USP34: variants seen among roughly 807,000 people sequenced by gnomAD.
The protein encoded by USP34 is ubiquitin carboxyl-terminal hydrolase 34.
A neutral mutation model predicts 460.3 loss-of-function variants in USP34; 70 were observed. The ratio of observed to expected loss-of-function variants is 0.15; its 90% CI spans 0.13 to 0.19. The LOEUF is 0.19. Ranked by LOEUF, USP34 falls within the 10% of genes least tolerant of loss-of-function variation. The pLI, the probability that USP34 is intolerant of heterozygous loss-of-function variation, is 1.00. For missense variants in USP34, 3,985 were observed against 4,236.2 expected (o/e 0.94, Z 1.65); for synonymous variants, 1,647 against 1,405.3 (o/e 1.17, Z -3.85).
chr2:61,403,088 ATAAGGAGG>A (rs1209281858), intron 3 of USP34, among the ~76,000 whole-genome samples: 1 of 152,206 alleles, frequency 6.6e-6, no homozygotes, highest in African/African-American at 2.4e-5. Flanking sequence ...AGAATTTGGT[ATAAGGAGG>A]TAACTCCTTT....
At chr2:61,430,246 A>T (rs1694630709) in intron 1 of USP34, among the ~76,000 whole-genome samples, 1 of 139,700 alleles carries the variant, frequency 7.2e-6, no homozygotes, top group South Asian at 2.3e-4. Flanking sequence ...GAAAAAAAAA[A>T]TACAAAAATT....
rs1259851996 is a variant in USP34, at chr2:61,214,531, T to G, written c.8211A>C (p.Arg2737Ser). The change falls in exon 68 of 80, where the codon AGA (arginine) becomes AGC (serine). Residue 2737 changes from arginine (R) to serine (S), a missense_variant. Arg to Ser is a moderately radical substitution (Grantham distance 110). Coordinates refer to ENST00000398571, the MANE Select transcript of USP34 (RefSeq NM_014709.4). The part of the protein sequence containing the change: ...VYNVLLGLLS[R>S]AKLYVDAAVH... ...CAGCAGCATCAACATAAAGTTTGGC[T>G]CTTGAGAGCAAACCAAGGAGCACGT... The G allele has an allele frequency of 6.2e-7, 1 of 1,613,468 alleles. No homozygotes were observed. The highest frequency in any genetic ancestry group is 8.5e-7 in the Non-Finnish European group (1 of 1,179,840).
At position 61,227,227 on chromosome 2, in the gene USP34, G is replaced by C. The variant is rs1386030163; in HGVS notation, c.7444-9C>G. The C allele has an allele frequency of 1.1e-5, 17 of 1,601,768 alleles. No homozygotes were observed. Among genetic ancestry groups the C allele is most frequent in the Non-Finnish European group, 1.4e-5 (17 of 1,173,786 alleles). ...AACACTTCAACTTGAGGCTAAGTTG[G>C]AATAAAATTCAATTTTAATACGGTA... On this transcript the variant is annotated splice_polypyrimidine_tract_variant and intron_variant, in intron 61 of 79. Coordinates refer to ENST00000398571, the MANE Select transcript of USP34 (RefSeq NM_014709.4).
intron 8 of USP34, among the ~76,000 whole-genome samples, chr2:61,375,013 C>T (rs1035336942): frequency 6.6e-6 from 1 of 152,266 alleles, no homozygotes; most frequent in African/African-American, 2.4e-5. Flanking sequence ...GCAGAATGTA[C>T]AGTCTTCTTA....
At chr2:61,392,239 G>C (rs1374385848) in intron 5 of USP34, among the ~76,000 whole-genome samples, 1 of 152,136 alleles carries the variant, frequency 6.6e-6, no homozygotes, top group Non-Finnish European at 1.5e-5. Context: ...GGCTGACATG[G>C]GAGGGAGGTT....
In USP34 at chr2:61,190,359, A is replaced by T; in HGVS notation, c.9785T>A (p.Ile3262Asn). 3.1e-6 allele frequency: 5 copies of T among 1,613,640 alleles called. No homozygotes were observed. Among genetic ancestry groups the T allele is most frequent in the Non-Finnish European group, 4.2e-6 (5 of 1,179,872 alleles). Reference sequence around the variant, plus strand: ...CTGATACTGGCTTATCAAGTTTGTAATAAGAGTGCTGATCAAATTGGCACA... The same window carrying T: ...CTGATACTGGCTTATCAAGTTTGTATTAAGAGTGCTGATCAAATTGGCACA... ...ANCANLISTL[I>N]TNLISQYQNL... is the part of the protein sequence containing the mutation. Residue 3262 changes from isoleucine (I) to asparagine (N), a missense_variant, in exon 78 of 80, where the codon ATT becomes AAT. Ile to Asn is a moderately radical substitution (Grantham distance 149). This residue lies in a region of USP34 where 506 missense variants were observed against 439.0 expected (regional missense o/e 1.15). Transcript: ENST00000398571.
intron 1 of USP34, among the ~76,000 whole-genome samples, chr2:61,463,929 T>G (rs1695682605): frequency 6.6e-6 from 1 of 152,094 alleles, no homozygotes; most frequent in Non-Finnish European, 1.5e-5. Flanking sequence ...ATAAATTCTC[T>G]AAACCTTAGT....
intron 23 of USP34, among the ~76,000 whole-genome samples, chr2:61,316,835 G>C (rs1254659531): frequency 2.6e-5 from 4 of 152,018 alleles, no homozygotes; most frequent in African/African-American, 9.7e-5. Context: ...GCAGTGAGCT[G>C]AGATCACACC....
intron 48 of USP34, among the ~76,000 whole-genome samples, chr2:61,254,970 C>T (rs562951826): frequency 7.2e-5 from 11 of 152,204 alleles, no homozygotes; most frequent in South Asian, 6.2e-4. Context: ...TTCAGCCTCC[C>T]GAACAGCTGA....
intron 22 of USP34, among the ~76,000 whole-genome samples, chr2:61,318,435 T>C (rs72813532): frequency 0.085 from 13,003 of 152,162 alleles, 693 homozygotes; most frequent in Admixed American, 0.14. Context: ...AAAGTTATAT[T>C]TGTAGCTCTG....
chr2:61,284,976 T>G lies in USP34; in HGVS notation c.4750-19A>C, dbSNP rs78564470. The G allele has an allele frequency of 2.6e-3, 4,135 of 1,583,316 alleles. 10 individuals are homozygous for G. The highest frequency in any genetic ancestry group is 3.2e-3 in the Non-Finnish European group (3,741 of 1,160,184). ...GAAATACCTTTAAAACAAAAACATT[T>G]TAAAAGATATTTAAATACAGCAAAA... On this transcript the variant is annotated intron_variant, in intron 34 of 79. Transcript: ENST00000398571.
In USP34 at chr2:61,301,136, G is replaced by C; in HGVS notation, c.3943C>G (p.Pro1315Ala). 1.9e-6 allele frequency: 3 copies of C among 1,610,438 alleles called. No individual in the cohort carries two copies. The highest frequency in any genetic ancestry group is 2.5e-6 in the Non-Finnish European group (3 of 1,179,042). ...CCTTCCCCTTTCCGCTCTCTCCTTGGTGCACCCAAAGATACAAATACCATC... is the reference window on the plus strand; with the variant it reads ...CCTTCCCCTTTCCGCTCTCTCCTTGCTGCACCCAAAGATACAAATACCATC... The part of the protein sequence containing the change: ...MQMVFVSLGA[P>A]RRERKGEGVQ... Residue 1315 changes from proline (P) to alanine (A), a missense_variant, in exon 29 of 80, where the codon CCA (proline) becomes GCA (alanine). Transcript: ENST00000398571.
intron 18 of USP34, among the ~76,000 whole-genome samples, chr2:61,334,185 G>C (rs574548936): frequency 6.6e-6 from 1 of 152,122 alleles, no homozygotes; most frequent in African/African-American, 2.4e-5. Flanking sequence ...AGATCTTTAA[G>C]GTAAAACACA....
At chr2:61,340,938 C>G (rs2103756892) in intron 16 of USP34, among the ~76,000 whole-genome samples, 1 of 144,776 alleles carries the variant, frequency 6.9e-6, no homozygotes, top group South Asian at 2.2e-4. Flanking sequence ...CATATATAAT[C>G]AAGATGGAGA....
chr2:61,292,068 G>GT (rs1689871635), intron 33 of USP34, among the ~76,000 whole-genome samples: 1 of 152,100 alleles, frequency 6.6e-6, no homozygotes, highest in East Asian at 1.9e-4. Flanking sequence ...AAAGCGTTTA[G>GT]GGGGAGGTTT....
In USP34 at chr2:61,223,052, G is replaced by A. The variant is rs759508532; in HGVS notation, c.7749+8C>T. The stretch of plus-strand genomic sequence containing the variant: ...CAAAAATCTTTAAGACTGTTCCTTA[G>A]CACTTACATGTTCTGCAAGTCGATT... On this transcript the variant is annotated splice_region_variant and intron_variant, in intron 64 of 79. Coordinates refer to ENST00000398571, the MANE Select transcript of USP34 (RefSeq NM_014709.4). The A allele has an allele frequency of 2.5e-6, 4 of 1,606,640 alleles. No individual in the cohort carries two copies. In the African/African-American group the frequency reaches 5.4e-5, roughly 22 times the overall value.
At chr2:61,218,171 T>C (rs1473447805) in intron 67 of USP34, among the ~76,000 whole-genome samples, 1 of 151,598 alleles carries the variant, frequency 6.6e-6, no homozygotes, top group Non-Finnish European at 1.5e-5. Context: ...ATAGTTTTTT[T>C]TTTTTGTTGG....
At chr2:61,334,149 C>T (rs181314813) in intron 18 of USP34, among the ~76,000 whole-genome samples, 178 bp from the exon 19 acceptor site, 1 of 152,188 alleles carries the variant, frequency 6.6e-6, no homozygotes, top group East Asian at 1.9e-4. Context: ...AGGGCAAGAA[C>T]TGCAAGTTTA....
chr2:61,236,580 A>T (rs1382223543), intron 53 of USP34, among the ~76,000 whole-genome samples, 191 bp from the exon 54 acceptor site: 1 of 152,204 alleles, frequency 6.6e-6, no homozygotes, highest in East Asian at 1.9e-4. Flanking sequence ...TGTAATTATT[A>T]ATACTTATCT....
Sources: allele counts gnomAD v4.1 joint callset (sites outside exome capture counted in the v4.1 genomes callset), GRCh38; gene constraint gnomAD v4.1.1; regional missense constraint gnomAD v4.1.1; transcripts MANE v1.5; gene names NCBI Gene and HGNC (gene_info 2026-07-23, HGNC 2026-07-21).